The following PARD3 variants were observed in gnomAD, a reference collection of about 807,000 sequenced individuals.
PARD3 encodes par-3 family cell polarity regulator.
PARD3 carries 75 observed loss-of-function variants against 155.4 expected under a neutral mutation model. That is an observed-to-expected ratio of 0.48 (90% CI 0.40 to 0.58). The LOEUF is 0.58. Ranked by LOEUF, PARD3 falls within the 20% of genes least tolerant of loss-of-function variation. The pLI is 0.00. For synonymous variants in PARD3, 576 were observed against 610.5 expected, an observed-to-expected ratio of 0.94 and a Z score of 0.83; for missense variants, 1,642 against 1,721.7, an observed-to-expected ratio of 0.95 and a Z score of 0.82.
intron 2 of PARD3, among the ~76,000 whole-genome samples, chr10:34,547,746 A>C (rs2084210174): frequency 6.6e-6 from 1 of 152,222 alleles, no homozygotes; most frequent in South Asian, 2.1e-4. Context: ...GATGACAAAA[A>C]ATGCACTGCA....
At position 34,815,091 on chromosome 10, in the gene PARD3, G is replaced by C; in HGVS notation, c.-96C>G. The stretch of plus-strand genomic sequence containing the variant: ...GACGCTGGGCGCGGAGGAGCCGCTG[G>C]GGACTCGGGCGCGCGGGCGGCTAGG... On this transcript the variant is annotated 5_prime_UTR_variant, in exon 1 of 25. Coordinates refer to ENST00000374788, the MANE Select transcript of PARD3 (RefSeq NM_001184785.2). 1.2e-6 allele frequency: 1 copy of C among 857,572 alleles called. No individual in the cohort carries two copies. Among genetic ancestry groups the C allele is most frequent in the Non-Finnish European group, 1.5e-6 (1 of 687,816 alleles). The allele number at this position is 857,572 out of a possible 1,614,324, so 53.1% of individuals were successfully genotyped here. A position where few individuals can be genotyped will look rare whatever the true frequency, so the allele number is the denominator to read the frequency against.
chr10:34,693,535 A>G (rs1159882979), intron 2 of PARD3, among the ~76,000 whole-genome samples: 2 of 152,222 alleles, frequency 1.3e-5, no homozygotes, highest in Admixed American at 6.5e-5. Context: ...TCACGTGGAC[A>G]TAAAGAGGAA....
chr10:34,431,002 T>C (rs1480828550), intron 5 of PARD3, among the ~76,000 whole-genome samples: 1 of 152,210 alleles, frequency 6.6e-6, no homozygotes, highest in East Asian at 1.9e-4. Flanking sequence ...CTGAAATAAA[T>C]GATTTGGATT....
intron 5 of PARD3, among the ~76,000 whole-genome samples, chr10:34,412,524 G>A (rs1015106748): frequency 1.3e-5 from 2 of 152,098 alleles, no homozygotes; most frequent in East Asian, 1.9e-4. Context: ...AAATGGTCTT[G>A]AGAAAAGAAC....
intron 2 of PARD3, among the ~76,000 whole-genome samples, chr10:34,687,718 A>G: frequency 6.6e-6 from 1 of 152,164 alleles, no homozygotes; most frequent in East Asian, 1.9e-4. Flanking sequence ...AATCACCTTC[A>G]GCACCAAAGA....
intron 4 of PARD3, among the ~76,000 whole-genome samples, chr10:34,451,057 G>A (rs60307881): frequency 0.012 from 1,788 of 152,204 alleles, 22 homozygotes; most frequent in African/African-American, 0.031. Flanking sequence ...TAACAGATAC[G>A]TAATTGTTCA....
intron 1 of PARD3, among the ~76,000 whole-genome samples, chr10:34,729,718 T>C (rs527324037): frequency 6.6e-6 from 1 of 152,146 alleles, no homozygotes; most frequent in South Asian, 2.1e-4. Context: ...TAATTAAAAA[T>C]CCACTAAGGA....
intron 3 of PARD3, among the ~76,000 whole-genome samples, chr10:34,498,225 C>T (rs1412138729): frequency 6.6e-6 from 1 of 151,964 alleles, no homozygotes; most frequent in Non-Finnish European, 1.5e-5. Context: ...TAGAAAGAGA[C>T]ACTTCAGTAT....
Position 34,157,596 on chromosome 10 carries a change from A to G in PARD3, c.3420-26013T>C, listed in dbSNP as rs528661253. Among the ~76,000 whole-genome samples the G allele has an allele frequency of 7.9e-5, 12 of 152,340 alleles. No individual in the cohort carries two copies. In the South Asian group the frequency reaches 2.5e-3, roughly 32 times the overall value. ...AATTTTCCCCATAAAACTAACTAGC[A>G]AGGATTCCCTATTCCCAAATCTGCA... On this transcript the variant is annotated intron_variant, in intron 22 of 24. Coordinates refer to ENST00000374788, the MANE Select transcript of PARD3 (RefSeq NM_001184785.2).
At chr10:34,307,053 AT>A (rs10712326) in intron 20 of PARD3, among the ~76,000 whole-genome samples, 100,300 of 150,756 alleles carry the variant, frequency 0.67, 34,713 homozygotes, top group African/African-American at 0.88. Context: ...CGCCCGGCTA[AT>A]TTTTTTTTTG....
chr10:34,379,143 T>G (rs1479191216), intron 9 of PARD3, among the ~76,000 whole-genome samples: 2 of 152,088 alleles, frequency 1.3e-5, no homozygotes, highest in African/African-American at 4.8e-5. Context: ...TAAAGAGATC[T>G]GTAAAGGTGA....
chr10:34,118,605 C>T (rs747034371), intron 24 of PARD3, among the ~76,000 whole-genome samples: 1 of 152,168 alleles, frequency 6.6e-6, no homozygotes, highest in Non-Finnish European at 1.5e-5. Flanking sequence ...CTCAGCCTCC[C>T]AAAGTGCTGG....
At chr10:34,737,148 G>C (rs2094930271) in intron 1 of PARD3, among the ~76,000 whole-genome samples, 1 of 152,172 alleles carries the variant, frequency 6.6e-6, no homozygotes, top group Non-Finnish European at 1.5e-5. Context: ...GAGAAGCAGG[G>C]GTCTGCAGTA....
In PARD3 at chr10:34,477,243, A is replaced by C. The variant is rs1312802355; in HGVS notation, c.404-6980T>G. ...TCTCAAATTTTAGCAAAACTGATGCATTTTAAAATATGATAAAACTTTCTA... is the reference window on the plus strand; with the variant it reads ...TCTCAAATTTTAGCAAAACTGATGCCTTTTAAAATATGATAAAACTTTCTA... On this transcript the variant is annotated intron_variant, in intron 3 of 24. Transcript: ENST00000374788. Among the ~76,000 whole-genome samples the C allele has an allele frequency of 5.9e-5, 9 of 152,338 alleles. No homozygotes were observed. The South Asian group carries it at 1.7e-3, about 28-fold the overall frequency.
chr10:34,261,241 A>G (rs1268015357), intron 22 of PARD3, among the ~76,000 whole-genome samples: 2 of 152,212 alleles, frequency 1.3e-5, no homozygotes, highest in East Asian at 3.8e-4. Context: ...GTCTCTGGAT[A>G]TAAAAATACA....
chr10:34,491,956 A>C (rs564799154), intron 3 of PARD3, among the ~76,000 whole-genome samples: 106 of 152,312 alleles, frequency 7.0e-4, no homozygotes, highest in South Asian at 5.0e-3. Context: ...CAGTAGGCTT[A>C]AGAAATGCAT....
At chr10:34,308,614 C>T (rs1255568272) in intron 20 of PARD3, among the ~76,000 whole-genome samples, 1 of 152,112 alleles carries the variant, frequency 6.6e-6, no homozygotes, top group African/African-American at 2.4e-5. Flanking sequence ...GGGAATCCAG[C>T]AGTGAGTTGG....
At chr10:34,365,420 A>G (rs1350496411) in intron 12 of PARD3, among the ~76,000 whole-genome samples, 2 of 152,182 alleles carry the variant, frequency 1.3e-5, no homozygotes, top group African/African-American at 4.8e-5. Context: ...CCTCCATAAC[A>G]TATTTTTATG....
chr10:34,374,934 C>T lies in PARD3; in HGVS notation c.1608G>A (p.Met536Ile), dbSNP rs1795720978. ...AGACCAGAAGGCTCACAGTTCCTTC[C>T]ATCTTGGTGCTTCTCAACAGCGAAA... ...EVVSLLRSTK[M>I]EGTVSLLVFR... Residue 536 changes from methionine to isoleucine, a missense_variant, in exon 11 of 25, where the codon ATG becomes ATA. Physicochemically the swap from Met to Ile is conservative, Grantham distance 10. This residue lies in a region of PARD3 where 1,529 missense variants were observed against 1,587.3 expected (regional missense o/e 0.96). Coordinates refer to ENST00000374788, the MANE Select transcript of PARD3 (RefSeq NM_001184785.2). 1 of 1,613,864 alleles carries T rather than the reference C, an allele frequency of 6.2e-7. No homozygotes were observed. The highest frequency in any genetic ancestry group is 1.3e-5 in the African/African-American group (1 of 75,012).
Sources: allele counts gnomAD v4.1 joint callset (sites outside exome capture counted in the v4.1 genomes callset), GRCh38; gene constraint gnomAD v4.1.1; regional missense constraint gnomAD v4.1.1; transcripts MANE v1.5; gene names NCBI Gene and HGNC (gene_info 2026-07-23, HGNC 2026-07-21).